CSMD1: variants seen among roughly 807,000 people sequenced by gnomAD.
CSMD1 encodes CUB and Sushi multiple domains 1.
CSMD1 carries 213 observed loss-of-function variants against 417.5 expected under a neutral mutation model. The observed-to-expected ratio is 0.51, with a 90% CI of 0.46 to 0.57. The LOEUF (loss-of-function observed/expected upper bound fraction) is 0.57, where lower values mean the gene tolerates loss of function less well. CSMD1 is among the 20% of genes least tolerant of loss of function. The pLI is 0.00. For missense variants in CSMD1, 6,923 were observed against 4,529.7 expected, an observed-to-expected ratio of 1.53 and a Z score of -15.17; for synonymous variants, 2,862 against 1,736.8, an observed-to-expected ratio of 1.65 and a Z score of -16.11.
chr8:4,375,955 C>G (rs1280641010), intron 3 of CSMD1, among the ~76,000 whole-genome samples: 1 of 152,152 alleles, frequency 6.6e-6, no homozygotes, highest in East Asian at 1.9e-4. Flanking sequence ...CTGGCAACCT[C>G]CAGGCCTTGC....
intron 27 of CSMD1, among the ~76,000 whole-genome samples, chr8:3,229,822 T>C (rs1361461882): frequency 1.3e-5 from 2 of 152,174 alleles, no homozygotes; most frequent in Non-Finnish European, 2.9e-5. Context: ...ACGGTAAATG[T>C]CAATTACTGT....
chr8:3,567,718 C>T (rs1799774183), intron 10 of CSMD1, among the ~76,000 whole-genome samples: 1 of 152,170 alleles, frequency 6.6e-6, no homozygotes, highest in Non-Finnish European at 1.5e-5. Flanking sequence ...CTCTGAATTT[C>T]TGGAACGTCC....
intron 7 of CSMD1, among the ~76,000 whole-genome samples, chr8:3,643,143 A>G (rs1287086808): frequency 6.6e-6 from 1 of 152,056 alleles, no homozygotes; most frequent in Non-Finnish European, 1.5e-5. Context: ...GGGAAAAACC[A>G]TGTGTAAAGA....
intron 3 of CSMD1, among the ~76,000 whole-genome samples, chr8:4,156,079 C>A (rs1169466508): frequency 2.0e-5 from 3 of 152,106 alleles, no homozygotes; most frequent in Non-Finnish European, 2.9e-5. Flanking sequence ...TGGAATAGGG[C>A]TGGCTGGAGT....
chr8:3,394,749 G>A (rs572937332), intron 17 of CSMD1, among the ~76,000 whole-genome samples: 1 of 151,978 alleles, frequency 6.6e-6, no homozygotes, highest in African/African-American at 2.4e-5. Context: ...AACTCGAATG[G>A]ACATTTTAAA....
intron 2 of CSMD1, among the ~76,000 whole-genome samples, chr8:4,420,407 T>C (rs1797180525): frequency 1.3e-5 from 2 of 152,242 alleles, no homozygotes; most frequent in South Asian, 4.1e-4. Flanking sequence ...AGGGTACATG[T>C]GCAATATGTG....
intron 1 of CSMD1, among the ~76,000 whole-genome samples, chr8:4,813,567 G>A (rs897484292): frequency 3.9e-5 from 6 of 152,144 alleles, no homozygotes; most frequent in African/African-American, 1.4e-4. Context: ...AAGCCCTAGA[G>A]AAACATGTTC....
chr8:3,949,177 C>A (rs997085380), intron 5 of CSMD1, among the ~76,000 whole-genome samples: 1 of 152,136 alleles, frequency 6.6e-6, no homozygotes, highest in Admixed American at 6.6e-5. Context: ...ATATGCATTG[C>A]TTTACATCCT....
chr8:3,222,269 C>A (rs1007816989), intron 28 of CSMD1, among the ~76,000 whole-genome samples: 4 of 151,996 alleles, frequency 2.6e-5, no homozygotes, highest in African/African-American at 7.3e-5. Context: ...AAATGAGTTG[C>A]ACTTTATGGG....
In CSMD1 at chr8:3,590,905, C is replaced by G. The variant is rs566541777; in HGVS notation, c.1098-4645G>C. On this transcript the variant is annotated intron_variant, in intron 8 of 69. Coordinates refer to ENST00000635120, the MANE Select transcript of CSMD1 (RefSeq NM_033225.6). ...TCCAAGCCATGTGTGCTTTCGATGT[C>G]GAATATATAATAAACTAAGTTTTCA... Among the ~76,000 whole-genome samples the G allele has an allele frequency of 3.2e-3, 481 of 152,222 alleles. 4 individuals carry two copies. The highest frequency in any genetic ancestry group is 0.011 in the African/African-American group (462 of 41,542).
chr8:4,075,338 G>C (rs778741490), intron 3 of CSMD1, among the ~76,000 whole-genome samples: 3 of 152,028 alleles, frequency 2.0e-5, no homozygotes, highest in Admixed American at 6.6e-5. Flanking sequence ...AGAGAATATA[G>C]AGCTCTCTAA....
intron 26 of CSMD1, among the ~76,000 whole-genome samples, chr8:3,248,829 TACTC>T (rs1288164804): frequency 2.0e-5 from 3 of 152,226 alleles, no homozygotes; most frequent in Non-Finnish European, 4.4e-5. Flanking sequence ...AAATTCTACT[TACTC>T]TGTTAATCTT....
chr8:3,020,775 C>T (rs763698739), intron 51 of CSMD1, among the ~76,000 whole-genome samples: 1 of 152,166 alleles, frequency 6.6e-6, no homozygotes, highest in African/African-American at 2.4e-5. Flanking sequence ...GGAGGTCCAA[C>T]TCGAGAGTCC....
At chr8:4,343,197 T>C (rs543504919) in intron 3 of CSMD1, among the ~76,000 whole-genome samples, 9 of 152,240 alleles carry the variant, frequency 5.9e-5, no homozygotes, top group African/African-American at 2.2e-4. Flanking sequence ...GCTTGCTTTG[T>C]TAGAGCATAA....
intron 3 of CSMD1, among the ~76,000 whole-genome samples, chr8:4,163,554 T>C (rs917194880): frequency 1.3e-5 from 2 of 152,198 alleles, no homozygotes; most frequent in African/African-American, 2.4e-5. Context: ...ACAGCATCAT[T>C]TGGTGTGAAT....
intron 7 of CSMD1, among the ~76,000 whole-genome samples, chr8:3,665,038 T>C (rs1210075097): frequency 6.6e-6 from 1 of 152,134 alleles, no homozygotes; most frequent in Non-Finnish European, 1.5e-5. Flanking sequence ...ATACATAAAC[T>C]ACCAATTTCT....
At chr8:4,154,903 T>C (rs1238941555) in intron 3 of CSMD1, among the ~76,000 whole-genome samples, 2 of 152,216 alleles carry the variant, frequency 1.3e-5, no homozygotes, top group African/African-American at 2.4e-5. Flanking sequence ...GTTGAAGTGA[T>C]ACATTTTTCT....
intron 1 of CSMD1, among the ~76,000 whole-genome samples, chr8:4,948,807 C>T (rs1040206184): frequency 1.3e-5 from 2 of 151,990 alleles, no homozygotes; most frequent in Admixed American, 6.6e-5. Flanking sequence ...TTCCCTTATT[C>T]CCCTAGAATG....
intron 2 of CSMD1, among the ~76,000 whole-genome samples, chr8:4,467,122 T>TA (rs35481238): frequency 0.07 from 6,058 of 86,140 alleles, 224 homozygotes; most frequent in African/African-American, 0.15. Flanking sequence ...TTCTTCAGAG[T>TA]AAAAAAAAAA....
Sources: allele counts gnomAD v4.1 joint callset (sites outside exome capture counted in the v4.1 genomes callset), GRCh38; gene constraint gnomAD v4.1.1; transcripts MANE v1.5; gene names NCBI Gene and HGNC (gene_info 2026-07-23, HGNC 2026-07-21).